The following ELFN2 variants were observed in gnomAD, a reference collection of about 807,000 sequenced individuals.
The protein encoded by ELFN2 is protein phosphatase 1 regulatory subunit 29.
Under a neutral mutation model 45.5 loss-of-function variants are expected in ELFN2, and 17 were observed. The observed-to-expected ratio is 0.37, with a 90% CI of 0.26 to 0.56. The LOEUF (loss-of-function observed/expected upper bound fraction) is 0.56, where lower values mean the gene tolerates loss of function less well. ELFN2 is among the 20% of genes least tolerant of loss of function. The probability of loss-of-function intolerance (pLI) is 0.77; values close to 1 mark genes in which losing one functional copy is unlikely to be tolerated. For missense variants in ELFN2, 922 were observed against 1,183.2 expected (o/e 0.78, Z 3.24); for synonymous variants, 550 against 551.5 (o/e 1.00, Z 0.04).
chr22:37,381,415 T>C (rs1931762449), intron 2 of ELFN2, among the ~76,000 whole-genome samples: 1 of 152,060 alleles, frequency 6.6e-6, no homozygotes, highest in Admixed American at 6.5e-5. Context: ...AGGCCAGCTG[T>C]GCTCCTCAAA....
At chr22:37,363,642 G>A (rs1931137794), downstream of ELFN2, among the ~76,000 whole-genome samples, 1 of 152,154 alleles carries the variant, frequency 6.6e-6, no homozygotes, top group African/African-American at 2.4e-5. Context: ...AGGAGAAGGG[G>A]CTGCCAGCAT....
In ELFN2 at chr22:37,417,427, C is replaced by T. The variant is rs924642472; in HGVS notation, c.-463+342G>A. Among the ~76,000 whole-genome samples, 3 of 152,212 alleles carry T rather than the reference C, an allele frequency of 2.0e-5. No homozygotes were observed. Among genetic ancestry groups the T allele is most frequent in the Non-Finnish European group, 4.4e-5 (3 of 68,034 alleles). On this transcript the variant is annotated intron_variant, in intron 2 of 2. Coordinates refer to ENST00000402918, the MANE Select transcript of ELFN2 (RefSeq NM_052906.5). This position sits in a 1 kb window ranked among gnomAD's most constrained non-coding sequence, Gnocchi z 4.5. ...CCACCCCCAGCAGGTGCACAGATGC[C>T]CCCTGACCTGCTGGAGTGCAGACTA...
chr22:37,347,106 G>A (rs998066077), intron 1 of ELFN2, among the ~76,000 whole-genome samples: 2 of 152,084 alleles, frequency 1.3e-5, no homozygotes, highest in Non-Finnish European at 2.9e-5. Context: ...AGCCTCCCGA[G>A]TAGCTGGGAT....
Position 37,373,334 on chromosome 22 carries a change from A to T in ELFN2, c.2201T>A (p.Leu734Gln), listed in dbSNP as rs780834506. ...GGTGGAGTCACGCTTGGAGCGGGTC[A>T]GCGGCTTGAGGAAGGACACGCGCTG... is the stretch of plus-strand genomic sequence containing the variant. ...LSQRVSFLKP[L>Q]TRSKRDSTYS... Residue 734 changes from leucine (L) to glutamine (Q), a missense_variant, in exon 3 of 3, where the codon CTG becomes CAG. This residue lies in a region of ELFN2 where 564 missense variants were observed against 642.8 expected (regional missense o/e 0.88). Coordinates refer to ENST00000402918, the MANE Select transcript of ELFN2 (RefSeq NM_052906.5). 5 of 1,613,560 alleles carry T rather than the reference A, an allele frequency of 3.1e-6. No homozygotes were observed. The highest frequency in any genetic ancestry group is 4.2e-6 in the Non-Finnish European group (5 of 1,180,016).
intron 2 of ELFN2, among the ~76,000 whole-genome samples, chr22:37,379,933 C>T (rs995160221): frequency 9.2e-5 from 14 of 152,194 alleles, no homozygotes; most frequent in African/African-American, 2.2e-4. Context: ...CCCTGCCCCC[C>T]CTCGGAGGGC....
At chr22:37,423,908 C>G (rs1020175434) in intron 1 of ELFN2, among the ~76,000 whole-genome samples, 2 of 152,094 alleles carry the variant, frequency 1.3e-5, no homozygotes, top group African/African-American at 4.8e-5. Flanking sequence ...TGCCTCTGCC[C>G]CAGGTGGTAA....
intron 2 of ELFN2, among the ~76,000 whole-genome samples, chr22:37,377,356 A>G (rs990880918): frequency 6.6e-6 from 1 of 152,194 alleles, no homozygotes; most frequent in Admixed American, 6.5e-5. Context: ...GGCAGGGGCC[A>G]GGGATGTGAA....
chr22:37,348,684 T>C (rs980452668), intron 1 of ELFN2, among the ~76,000 whole-genome samples: 9 of 150,730 alleles, frequency 6.0e-5, no homozygotes, highest in African/African-American at 1.9e-4. Flanking sequence ...CTCAGGGGCT[T>C]CCCTTCCCTC....
At chr22:37,394,605 C>T (rs1017143118) in intron 2 of ELFN2, among the ~76,000 whole-genome samples, 1 of 152,350 alleles carries the variant, frequency 6.6e-6, no homozygotes, top group East Asian at 1.9e-4. Flanking sequence ...GCTCCCGCCC[C>T]GGCACACAGT....
rs144318837 is a variant in ELFN2, at chr22:37,374,386, G to A, written c.1149C>T (p.Val383=). 3,188 of 1,613,942 alleles carry A rather than the reference G, an allele frequency of 2.0e-3. 4 individuals are homozygous for A. Among genetic ancestry groups the A allele is most frequent in the Non-Finnish European group, 2.5e-3 (2,895 of 1,179,930 alleles). ...TCLTFTTRDP[V]PGDLAPSTST... ...AGGTGCTGGGCGCCAAGTCTCCGGG[G>A]ACGGGGTCCCGCGTGGTGAAGGTCA... The change falls in exon 3 of 3, where the codon GTC becomes GTT. Residue 383 remains valine, a synonymous_variant. Coordinates refer to ENST00000402918, the MANE Select transcript of ELFN2 (RefSeq NM_052906.5).
chr22:37,395,195 G>A (rs1932183453), intron 2 of ELFN2, among the ~76,000 whole-genome samples: 1 of 152,150 alleles, frequency 6.6e-6, no homozygotes, highest in African/African-American at 2.4e-5. Flanking sequence ...GGCTCAGAAA[G>A]ACAAAGTGGC....
rs763866197 is a variant in ELFN2, at chr22:37,375,025, G to C, written c.510C>G (p.Thr170=). ...CCATCAGGCTGGCGAGGCTGGCAAA[G>C]GTGGCACCGTCCAGGCGGCTGAGGC... ...SNRLSRLDGA[T]FASLASLMVC... The change falls in exon 3 of 3, where the codon ACC becomes ACG. Residue 170 remains threonine, a synonymous_variant. Coordinates refer to ENST00000402918, the MANE Select transcript of ELFN2 (RefSeq NM_052906.5). 1 of 1,613,528 alleles carries C rather than the reference G, an allele frequency of 6.2e-7. No individual in the cohort carries two copies. The highest frequency in any genetic ancestry group is 1.1e-5 in the South Asian group (1 of 91,084).
intron 1 of ELFN2, among the ~76,000 whole-genome samples, chr22:37,358,261 C>T (rs1930996984): frequency 6.6e-6 from 1 of 152,176 alleles, no homozygotes; most frequent in Non-Finnish European, 1.5e-5. Context: ...CAAATCCCCC[C>T]CAGTCTCCAG....
At chr22:37,416,423 G>T (rs1238404892) in intron 2 of ELFN2, among the ~76,000 whole-genome samples, 1 of 152,186 alleles carries the variant, frequency 6.6e-6, no homozygotes, top group Non-Finnish European at 1.5e-5. Flanking sequence ...CCCAGAGAAC[G>T]GCACTGGGTC....
At chr22:37,379,599 T>C (rs1285891082) in intron 2 of ELFN2, among the ~76,000 whole-genome samples, 1 of 152,196 alleles carries the variant, frequency 6.6e-6, no homozygotes, top group Non-Finnish European at 1.5e-5. Context: ...GGGTGCATGC[T>C]GTTATCGGGG....
intron 2 of ELFN2, among the ~76,000 whole-genome samples, chr22:37,402,661 C>A (rs754955087): frequency 6.9e-4 from 105 of 152,194 alleles, no homozygotes; most frequent in Non-Finnish European, 1.2e-3. Context: ...CTCTCCTGAG[C>A]CCCTGTGCCA....
chr22:37,421,228 C>A (rs966912124), intron 1 of ELFN2, among the ~76,000 whole-genome samples: 6 of 152,232 alleles, frequency 3.9e-5, no homozygotes, highest in African/African-American at 1.4e-4. Flanking sequence ...CTCCGGGCCC[C>A]TGCTCACACG....
Position 37,427,382 on chromosome 22 carries a change from TGTGA to T in ELFN2, c.-702_-699del, listed in dbSNP as rs1167192783. The T allele has an allele frequency of 1.3e-5, 2 of 152,806 alleles. No homozygotes were observed. Among genetic ancestry groups the T allele is most frequent in the East Asian group, 3.9e-4 (2 of 5,136 alleles). The allele number at this position is 152,806 out of a possible 1,614,324, so 9.5% of individuals were successfully genotyped here. A position where few individuals can be genotyped will look rare whatever the true frequency, so the allele number is the denominator to read the frequency against. ...CTGCGCGTGTGAGTGTGAGTGTGAATGTGAGTGTGAGCGCGGGTGTGGGTGCGGG... is the reference window on the plus strand; with the variant it reads ...CTGCGCGTGTGAGTGTGAGTGTGAATGTGTGAGCGCGGGTGTGGGTGCGGG... On this transcript the variant is annotated 5_prime_UTR_variant, in exon 1 of 3. Coordinates refer to ENST00000402918, the MANE Select transcript of ELFN2 (RefSeq NM_052906.5).
intron 1 of ELFN2, among the ~76,000 whole-genome samples, chr22:37,349,984 G>A (rs1930785862): frequency 6.6e-6 from 1 of 150,934 alleles, no homozygotes; most frequent in Admixed American, 6.6e-5. Flanking sequence ...GAGAGCCAAG[G>A]CAGTGAGGAG....
Sources: gnomAD v4.1 joint callset for allele counts (sites outside exome capture counted in the v4.1 genomes callset) on GRCh38, gnomAD v4.1.1 for gene constraint, gnomAD v4.1.1 regional missense constraint, Gnocchi (gnomAD v3.1) non-coding constraint, MANE v1.5 for transcripts, NCBI Gene and HGNC (gene_info 2026-07-23, HGNC 2026-07-21) for gene names.